Variants in SAMD12 observed in about 807,000 individuals in gnomAD.
SAMD12 encodes the protein sterile alpha motif domain-containing protein 12.
Under a neutral mutation model 15.0 loss-of-function variants are expected in SAMD12, and 9 were observed. That is an observed-to-expected ratio of 0.60 (90% confidence interval 0.36 to 1.05). The LOEUF (loss-of-function observed/expected upper bound fraction) is 1.05. Among genes scored for constraint, SAMD12 ranks in the 50% least tolerant of loss-of-function variants. SAMD12 has a pLI of 0.01. For missense variants in SAMD12, 230 were observed against 234.2 expected, an observed-to-expected ratio of 0.98 and a Z score of 0.12; for synonymous variants, 86 against 90.1, an observed-to-expected ratio of 0.96 and a Z score of 0.25.
At chr8:118,572,145 G>A (rs1414261993) in intron 2 of SAMD12, among the ~76,000 whole-genome samples, 2 of 152,356 alleles carry the variant, frequency 1.3e-5, no homozygotes, top group South Asian at 4.1e-4. Flanking sequence ...GGAACTTTAA[G>A]ATTTGACTGT....
Position 118,379,626 on chromosome 8 carries a change from T to A in SAMD12, c.397A>T (p.Ile133Phe), listed in dbSNP as rs1346879604. ...GIAQENLRQH[I>F]LQQVLQLKVR... ...TTCAGCTGGAGCACCTGTTGTAAGA[T>A]GTGCTGCCGGAGGTTCTCCTGGGCA... Residue 133 changes from isoleucine (I) to phenylalanine (F), a missense_variant, in exon 4 of 4, where the codon ATC (isoleucine) becomes TTC (phenylalanine). By Grantham distance (21) the Ile-to-Phe change is conservative (BLOSUM62 0). Coordinates refer to ENST00000314727, the MANE Select transcript of SAMD12 (RefSeq NM_207506.3). The A allele has an allele frequency of 1.9e-6, 3 of 1,613,982 alleles. No homozygotes were observed. The highest frequency in any genetic ancestry group is 2.5e-6 in the Non-Finnish European group (3 of 1,179,900).
intron 4 of SAMD12, among the ~76,000 whole-genome samples, chr8:118,271,396 T>C (rs1813352770): frequency 6.6e-6 from 1 of 152,170 alleles, no homozygotes; most frequent in Non-Finnish European, 1.5e-5. Flanking sequence ...GCAGGGATTA[T>C]GGGAACTACA....
At chr8:118,382,052 A>C (rs560641675) in intron 3 of SAMD12, among the ~76,000 whole-genome samples, 2 of 152,336 alleles carry the variant, frequency 1.3e-5, no homozygotes, top group South Asian at 4.1e-4. Context: ...CAGAAGTTTC[A>C]CTCAGAAAAC....
chr8:118,495,554 C>CTTTT (rs10671753), intron 2 of SAMD12, among the ~76,000 whole-genome samples: 5,412 of 145,066 alleles, frequency 0.037, 208 homozygotes, highest in African/African-American at 0.099. Context: ...TTCATGTAGG[C>CTTTT]TTTTTTTTTT....
chr8:118,548,122 C>A (rs914509610), intron 2 of SAMD12, among the ~76,000 whole-genome samples: 1 of 152,182 alleles, frequency 6.6e-6, no homozygotes, highest in Non-Finnish European at 1.5e-5. Context: ...TGAAATTACA[C>A]AGAGAATGGA....
intron 4 of SAMD12, among the ~76,000 whole-genome samples, chr8:118,360,396 AG>A (rs1333158112): frequency 6.6e-6 from 1 of 152,214 alleles, no homozygotes; most frequent in East Asian, 1.9e-4. Context: ...TGATACAGAA[AG>A]GAAAACAAAA....
intron 1 of SAMD12, among the ~76,000 whole-genome samples, chr8:118,606,575 T>G (rs1827990198): frequency 6.6e-6 from 1 of 150,890 alleles, no homozygotes; most frequent in African/African-American, 2.5e-5. Context: ...GAGTTTCAAT[T>G]TAAAAAAAAA....
chr8:118,545,192 C>T (rs1433110951), intron 2 of SAMD12, among the ~76,000 whole-genome samples: 1 of 152,216 alleles, frequency 6.6e-6, no homozygotes, highest in African/African-American at 2.4e-5. Flanking sequence ...CCAGGCCAGG[C>T]ACAGTGGCTC....
chr8:118,566,990 C>G lies in SAMD12; in HGVS notation c.192+13725G>C, dbSNP rs114560002. ...AAAATATATACATGTTTTTTCCAAACCACCTTGCCAAAACATTTCCTGAGG... is the reference window on the plus strand; with the variant it reads ...AAAATATATACATGTTTTTTCCAAAGCACCTTGCCAAAACATTTCCTGAGG... On this transcript the variant is annotated intron_variant, in intron 2 of 3. Transcript: ENST00000314727. Among the ~76,000 whole-genome samples, 882 of 152,238 alleles carry G rather than the reference C, an allele frequency of 5.8e-3. 11 individuals carry two copies. Among genetic ancestry groups the G allele is most frequent in the African/African-American group, 0.02 (840 of 41,516 alleles).
chr8:118,416,567 T>C (rs538842495), intron 3 of SAMD12, among the ~76,000 whole-genome samples: 22 of 152,316 alleles, frequency 1.4e-4, no homozygotes, highest in African/African-American at 5.1e-4. Context: ...AAATTCCAGA[T>C]AGAAGGAATT....
intron 4 of SAMD12, among the ~76,000 whole-genome samples, chr8:118,272,806 T>C (rs1166961777): frequency 6.6e-6 from 1 of 152,282 alleles, no homozygotes; most frequent in African/African-American, 2.4e-5. Flanking sequence ...TGGAATTCAT[T>C]GTCCATATCA....
At chr8:118,335,062 A>G (rs1289820220) in intron 4 of SAMD12, among the ~76,000 whole-genome samples, 1 of 152,148 alleles carries the variant, frequency 6.6e-6, no homozygotes, top group African/African-American at 2.4e-5. Context: ...CTCTTTTTAA[A>G]ATATGTTCTC....
intron 4 of SAMD12, among the ~76,000 whole-genome samples, chr8:118,224,255 C>T (rs1812139847): frequency 6.6e-6 from 1 of 152,076 alleles, no homozygotes; most frequent in Non-Finnish European, 1.5e-5. Context: ...AACTCCTTTC[C>T]CTCATTACAA....
At chr8:118,392,339 G>A (rs1820326287) in intron 3 of SAMD12, among the ~76,000 whole-genome samples, 1 of 152,242 alleles carries the variant, frequency 6.6e-6, no homozygotes, top group African/African-American at 2.4e-5. Context: ...GCCGAGGCAG[G>A]AGAATCACTT....
chr8:118,197,364 C>T (rs1272450477), exon 5 of SAMD12: 4 of 351,404 alleles, frequency 1.1e-5, no homozygotes, highest in Non-Finnish European at 2.1e-5. Context: ...CCAGTAGTTG[C>T]CATGCTAAAA....
At chr8:118,525,557 G>A (rs1292495755) in intron 2 of SAMD12, among the ~76,000 whole-genome samples, 1 of 152,126 alleles carries the variant, frequency 6.6e-6, no homozygotes, top group Non-Finnish European at 1.5e-5. Context: ...TGGCCCAAAA[G>A]TGCATCAGGT....
At chr8:118,305,760 G>A (rs1216710248) in intron 4 of SAMD12, among the ~76,000 whole-genome samples, 2 of 152,126 alleles carry the variant, frequency 1.3e-5, no homozygotes, top group Non-Finnish European at 2.9e-5. Context: ...TCACCTGTTT[G>A]CTTTTAGATC....
rs116313672 is a variant in SAMD12 at position 118,607,257 on chromosome 8, C to T, written c.13+14547G>A. On this transcript the variant is annotated intron_variant, in intron 1 of 3. Transcript: ENST00000314727. The stretch of plus-strand genomic sequence containing the variant: ...AAATGTCCTTTTTTTTTTCTTGAGA[C>T]GGAATTTCACTCTTATTGCCCAGGC... Among the ~76,000 whole-genome samples, 1,305 of 151,116 alleles carry T rather than the reference C, an allele frequency of 8.6e-3. 20 individuals are homozygous for T. The highest frequency in any genetic ancestry group is 0.03 in the African/African-American group (1,251 of 41,112).
At chr8:118,288,070 T>G (rs567685266) in intron 4 of SAMD12, among the ~76,000 whole-genome samples, 1 of 152,312 alleles carries the variant, frequency 6.6e-6, no homozygotes, top group East Asian at 1.9e-4. Flanking sequence ...CGTGGGCCTA[T>G]GAGCAGTAAA....
Sources: allele counts gnomAD v4.1 joint callset (sites outside exome capture counted in the v4.1 genomes callset), GRCh38; gene constraint gnomAD v4.1.1; transcripts MANE v1.5; gene names NCBI Gene and HGNC (gene_info 2026-07-23, HGNC 2026-07-21).